RORA: variants seen among roughly 807,000 people sequenced by gnomAD.
RORA encodes the protein RAR related orphan receptor A, also known as nuclear receptor ROR-alpha.
Under a neutral mutation model 69.5 loss-of-function variants are expected in RORA, and 7 were observed. The ratio of observed to expected loss-of-function variants is 0.10; its 90% CI spans 0.06 to 0.19. The LOEUF is 0.19. RORA is among the 10% of genes least tolerant of loss of function. RORA has a pLI of 1.00. For synonymous variants in RORA, 261 were observed against 240.8 expected, an observed-to-expected ratio of 1.08 and a Z score of -0.78; for missense variants, 457 against 663.0, an observed-to-expected ratio of 0.69 and a Z score of 3.41.
Position 61,127,563 on chromosome 15 carries a change from C to A in RORA, c.166+101490G>T, listed in dbSNP as rs547241681. On this transcript the variant is annotated intron_variant, in intron 1 of 10. Coordinates refer to ENST00000335670, the MANE Select transcript of RORA (RefSeq NM_134261.3). The stretch of plus-strand genomic sequence containing the variant: ...TACCCAAAGCTTTGTTTTCTTACAA[C>A]ATGATGCACAAACGAAATGAATGGC... Among the ~76,000 whole-genome samples, 4 of 152,312 alleles carry A rather than the reference C, an allele frequency of 2.6e-5. No individual in the cohort carries two copies. In the South Asian group the frequency reaches 8.3e-4, roughly 32 times the overall value.
At chr15:61,024,449 A>G (rs1027837471) in intron 1 of RORA, among the ~76,000 whole-genome samples, 1 of 83,440 alleles carries the variant, frequency 1.2e-5, no homozygotes, top group Non-Finnish European at 2.5e-5. Context: ...ATGCCCGGTA[A>G]TGTTTTTTTT....
intron 1 of RORA, among the ~76,000 whole-genome samples, chr15:61,014,646 A>T (rs1232235598): frequency 6.6e-6 from 1 of 152,228 alleles, no homozygotes; most frequent in African/African-American, 2.4e-5. Context: ...CTAAGGCAAA[A>T]TTAAGTGTAG....
intron 1 of RORA, among the ~76,000 whole-genome samples, chr15:61,082,319 T>C (rs1219732574): frequency 6.6e-6 from 1 of 152,118 alleles, no homozygotes; most frequent in East Asian, 1.9e-4. Context: ...TGAAGCCCCG[T>C]CTCTACTAAC....
At chr15:60,827,725 G>C (rs952012852) in intron 1 of RORA, among the ~76,000 whole-genome samples, 2 of 152,202 alleles carry the variant, frequency 1.3e-5, no homozygotes, top group Non-Finnish European at 2.9e-5. Flanking sequence ...GCGGGTCCCT[G>C]GGAAGAGGCC....
At chr15:60,961,266 C>G (rs1595847528) in intron 1 of RORA, among the ~76,000 whole-genome samples, 1 of 152,146 alleles carries the variant, frequency 6.6e-6, no homozygotes, top group Non-Finnish European at 1.5e-5. Flanking sequence ...TAAAGCATAA[C>G]TCCTATATCT....
intron 1 of RORA, among the ~76,000 whole-genome samples, chr15:60,883,266 T>G (rs2073712511): frequency 6.6e-6 from 1 of 151,786 alleles, no homozygotes; most frequent in Admixed American, 6.6e-5. Context: ...AGAACAGCAT[T>G]ACGAATCATA....
At chr15:60,984,892 A>T (rs1894155093) in intron 1 of RORA, among the ~76,000 whole-genome samples, 1 of 145,580 alleles carries the variant, frequency 6.9e-6, no homozygotes, top group Non-Finnish European at 1.5e-5. Flanking sequence ...ATGAATTGGG[A>T]GGGAGAGGGG....
At position 60,627,237 on chromosome 15, in the gene RORA, C is replaced by T. The variant is rs1458358428; in HGVS notation, c.196+51420G>A. On this transcript the variant is annotated intron_variant, in intron 2 of 10. Coordinates refer to ENST00000335670, the MANE Select transcript of RORA (RefSeq NM_134261.3). ...AAGAACTTGCTCTCAGTGGCTCTTA[C>T]CTTCTGGCTCCTTCACCTGCAGGTG... 3 of 1,614,150 alleles carry T rather than the reference C, an allele frequency of 1.9e-6. No homozygotes were observed. The Admixed American group carries it at 5.0e-5, about 27-fold the overall frequency.
intron 1 of RORA, among the ~76,000 whole-genome samples, chr15:61,116,375 G>A (rs949287834): frequency 3.9e-5 from 6 of 152,056 alleles, no homozygotes; most frequent in Non-Finnish European, 7.4e-5. Context: ...TATACCACTG[G>A]CCTACAGTAC....
At chr15:60,782,587 C>T (rs1041233219) in intron 1 of RORA, among the ~76,000 whole-genome samples, 3 of 152,144 alleles carry the variant, frequency 2.0e-5, no homozygotes, top group South Asian at 4.1e-4. Context: ...CTCCATATCA[C>T]AGAAATCAGT....
intron 2 of RORA, among the ~76,000 whole-genome samples, chr15:60,673,904 C>T (rs140581192): frequency 7.1e-4 from 108 of 152,356 alleles, no homozygotes; most frequent in African/African-American, 2.4e-3. Flanking sequence ...CCACTGCCAA[C>T]AAGCTTGCTG....
chr15:60,499,954 T>C lies in RORA; in HGVS notation c.1345A>G (p.Ile449Val), dbSNP rs200511374. ...AGGACGTGTTGAAGAGCTAGCTGAATTTTCTGTTGCAGTTTTTCAATTTTT... is the reference window on the plus strand; with the variant it reads ...AGGACGTGTTGAAGAGCTAGCTGAACTTTCTGTTGCAGTTTTTCAATTTTT... ...KVKIEKLQQK[I>V]QLALQHVLQK... Residue 449 changes from isoleucine (I) to valine (V), a missense_variant, in exon 10 of 11, where the codon ATT (isoleucine) becomes GTT (valine). Ile to Val is a conservative substitution (Grantham distance 29). Around this residue, in one of 3 missense-constraint regions of RORA, gnomAD observed 304 missense variants for 447.4 expected, o/e 0.68. Transcript: ENST00000335670. The C allele has an allele frequency of 2.5e-5, 40 of 1,613,502 alleles. No individual in the cohort carries two copies. The Middle Eastern group carries it at 1.3e-3, about 53-fold the overall frequency.
At chr15:60,628,301 G>A (rs1296537491) in intron 2 of RORA, among the ~76,000 whole-genome samples, 1 of 152,158 alleles carries the variant, frequency 6.6e-6, no homozygotes, top group Non-Finnish European at 1.5e-5. Flanking sequence ...CAGCAGTGTT[G>A]TAGAATATCC....
At chr15:60,571,286 C>A (rs1346462706) in intron 2 of RORA, among the ~76,000 whole-genome samples, 4 of 152,092 alleles carry the variant, frequency 2.6e-5, no homozygotes, top group Non-Finnish European at 5.9e-5. Context: ...AGTTTGAATT[C>A]ATCGTAATGG....
intron 2 of RORA, among the ~76,000 whole-genome samples, chr15:60,557,791 A>G (rs753660216): frequency 2.0e-5 from 3 of 152,238 alleles, no homozygotes; most frequent in Non-Finnish European, 2.9e-5. Flanking sequence ...TCAGCTGATT[A>G]GAGCTTTAGT....
intron 1 of RORA, among the ~76,000 whole-genome samples, chr15:61,143,987 CAA>C (rs1257330823): frequency 6.6e-6 from 1 of 152,110 alleles, no homozygotes; most frequent in African/African-American, 2.4e-5. Flanking sequence ...AAGCAAATGA[CAA>C]AGAGGCAAAA....
chr15:61,000,139 A>C (rs1282036723), intron 1 of RORA, among the ~76,000 whole-genome samples: 1 of 152,212 alleles, frequency 6.6e-6, no homozygotes, highest in Non-Finnish European at 1.5e-5. Context: ...CTTAGCGTTT[A>C]GGTTTTAAAA....
At chr15:60,528,466 G>C (rs1878028910) in intron 3 of RORA, 2 of 152,140 alleles carry the variant, frequency 1.3e-5, no homozygotes, top group Non-Finnish European at 2.9e-5. Flanking sequence ...TCTACAACTA[G>C]ACCATAAACT....
intron 1 of RORA, among the ~76,000 whole-genome samples, chr15:60,838,426 G>A (rs770552274): frequency 2.0e-5 from 3 of 152,170 alleles, no homozygotes; most frequent in African/African-American, 4.8e-5. Flanking sequence ...CCCACTGAGG[G>A]TATGCTGTCC....
Sources: gnomAD v4.1 joint callset for allele counts (sites outside exome capture counted in the v4.1 genomes callset) on GRCh38, gnomAD v4.1.1 for gene constraint, gnomAD v4.1.1 regional missense constraint, MANE v1.5 for transcripts, NCBI Gene and HGNC (gene_info 2026-07-23, HGNC 2026-07-21) for gene names.